Variants in KATNBL1 observed in about 807,000 individuals in gnomAD.
The protein encoded by KATNBL1 is katanin regulatory subunit B1 like 1, also known as KATNB1-like protein 1.
A neutral mutation model predicts 44.7 loss-of-function variants in KATNBL1; 28 were observed. The observed-to-expected ratio is 0.63, with a 90% CI of 0.46 to 0.86. The LOEUF is 0.86. Ranked by LOEUF, KATNBL1 falls within the 40% of genes least tolerant of loss-of-function variation. KATNBL1 has a pLI of 0.00. For missense variants in KATNBL1, 272 were observed against 350.7 expected (o/e 0.78, Z 1.79); for synonymous variants, 78 against 114.9 (o/e 0.68, Z 2.06).
At chr15:34,198,739 C>T (rs1890090633) in intron 1 of KATNBL1, among the ~76,000 whole-genome samples, 1 of 152,182 alleles carries the variant, frequency 6.6e-6, no homozygotes, top group Admixed American at 6.5e-5. Context: ...ATAAATGTGA[C>T]ATTCCTTTTT....
At chr15:34,165,859 A>T (rs1888954185) in intron 1 of KATNBL1, 1 of 152,210 alleles carries the variant, frequency 6.6e-6, no homozygotes, top group African/African-American at 2.4e-5. Context: ...GATGTGAGAA[A>T]GCCAGATCCT....
At chr15:34,153,911 C>G (rs1361802729) in intron 3 of KATNBL1, among the ~76,000 whole-genome samples, 1 of 152,074 alleles carries the variant, frequency 6.6e-6, no homozygotes, top group East Asian at 1.9e-4. Context: ...TGTGTAAAAA[C>G]TAAAACAAAA....
At chr15:34,207,786 A>G (rs999351205) in intron 1 of KATNBL1, among the ~76,000 whole-genome samples, 3 of 152,082 alleles carry the variant, frequency 2.0e-5, no homozygotes, top group African/African-American at 7.2e-5. Context: ...AATTTTTTGT[A>G]GAGATATGGT....
chr15:34,188,141 A>AAAAAAAAAAAAAT (rs1889771479), intron 1 of KATNBL1, among the ~76,000 whole-genome samples: 1 of 136,614 alleles, frequency 7.3e-6, no homozygotes, highest in Non-Finnish European at 1.6e-5. Flanking sequence ...GCCATGTAAA[A>AAAAAAAAAAAAAT]AAAAAAAAAA....
intron 1 of KATNBL1, among the ~76,000 whole-genome samples, chr15:34,197,166 G>A (rs1440225057): frequency 1.3e-5 from 2 of 152,160 alleles, no homozygotes; most frequent in African/African-American, 4.8e-5. Context: ...TTTTACCTTT[G>A]AAAATCTGAC....
chr15:34,205,293 G>A (rs1595370661), intron 1 of KATNBL1, among the ~76,000 whole-genome samples: 1 of 152,122 alleles, frequency 6.6e-6, no homozygotes, highest in Non-Finnish European at 1.5e-5. Context: ...TGCCTGAAGA[G>A]TGCCAGTTTT....
At chr15:34,190,289 C>T (rs980182100) in intron 1 of KATNBL1, among the ~76,000 whole-genome samples, 8 of 151,860 alleles carry the variant, frequency 5.3e-5, no homozygotes, top group South Asian at 4.2e-4. Flanking sequence ...CTAGTGGGGA[C>T]GAATAACAAG....
At chr15:34,180,640 G>A (rs1889490514) in intron 1 of KATNBL1, among the ~76,000 whole-genome samples, 1 of 152,180 alleles carries the variant, frequency 6.6e-6, no homozygotes, top group Non-Finnish European at 1.5e-5. Context: ...TCTCTTCAAT[G>A]TCAAACCAAC....
At chr15:34,171,285 A>G (rs1889151270) in intron 1 of KATNBL1, among the ~76,000 whole-genome samples, 2 of 152,246 alleles carry the variant, frequency 1.3e-5, no homozygotes, top group African/African-American at 4.8e-5. Context: ...GGATATGAAC[A>G]GACACATCTC....
intron 1 of KATNBL1, among the ~76,000 whole-genome samples, chr15:34,197,511 CAT>C (rs1890057571): frequency 6.6e-6 from 1 of 152,182 alleles, no homozygotes. Flanking sequence ...GTGTAAGAAA[CAT>C]GATTCGTGGT....
In KATNBL1 at chr15:34,193,245, A is replaced by C. The variant is rs1012684516; in HGVS notation, c.-15+16706T>G. ...AAAAAAAAAAAAAAAACAAAAAAAA[A>C]ACTTAAGGCCAGATGCAGTGGATCA... On this transcript the variant is annotated intron_variant, in intron 1 of 9. Transcript: ENST00000256544. Among the ~76,000 whole-genome samples, 8 of 143,660 alleles carry C rather than the reference A, an allele frequency of 5.6e-5. No individual in the cohort carries two copies. The East Asian group carries it at 1.1e-3, about 19-fold the overall frequency. 94.2% of individuals were successfully genotyped at this position (143,660 alleles called of 152,430 possible).
chr15:34,179,002 A>G lies in KATNBL1; in HGVS notation c.-14-15312T>C, dbSNP rs147837196. Reference sequence around the variant, plus strand: ...AAGGTGATAAGAATGGATCTAAGAAAGCCAAGGCTGATCTCAATGGGACTG... The same window carrying G: ...AAGGTGATAAGAATGGATCTAAGAAGGCCAAGGCTGATCTCAATGGGACTG... On this transcript the variant is annotated intron_variant, in intron 1 of 9. Coordinates refer to ENST00000256544, the MANE Select transcript of KATNBL1 (RefSeq NM_024713.3). Among the ~76,000 whole-genome samples the G allele has an allele frequency of 4.8e-3, 735 of 152,310 alleles. 6 individuals carry two copies. The highest frequency in any genetic ancestry group is 0.017 in the African/African-American group (707 of 41,576).
chr15:34,206,801 AAAAG>A (rs1384719273), intron 1 of KATNBL1, among the ~76,000 whole-genome samples: 5 of 152,072 alleles, frequency 3.3e-5, no homozygotes, highest in African/African-American at 1.2e-4. Flanking sequence ...CAAAAAAAAA[AAAAG>A]AAAAGAAAAG....
At chr15:34,202,959 C>G (rs911870032) in intron 1 of KATNBL1, among the ~76,000 whole-genome samples, 2 of 152,198 alleles carry the variant, frequency 1.3e-5, no homozygotes, top group Non-Finnish European at 2.9e-5. Flanking sequence ...CCATTGCACT[C>G]CAGCCTGGGC....
intron 1 of KATNBL1, among the ~76,000 whole-genome samples, chr15:34,179,690 T>C (rs1293704794): frequency 6.6e-6 from 1 of 152,060 alleles, no homozygotes; most frequent in Non-Finnish European, 1.5e-5. Context: ...AGATCCAGGT[T>C]TTTCAAAAGA....
intron 1 of KATNBL1, among the ~76,000 whole-genome samples, chr15:34,193,632 G>A (rs1376843131): frequency 6.6e-5 from 10 of 151,710 alleles, no homozygotes; most frequent in Non-Finnish European, 1.0e-4. Context: ...CAGTTGGGTC[G>A]CTTGAGCCCA....
chr15:34,202,147 G>T (rs1413415793), intron 1 of KATNBL1, among the ~76,000 whole-genome samples: 2 of 152,114 alleles, frequency 1.3e-5, no homozygotes, highest in East Asian at 3.8e-4. Flanking sequence ...GATCATTTTT[G>T]ACCCTTGTTT....
In KATNBL1 at chr15:34,191,941, G is replaced by A. The variant is rs574082487; in HGVS notation, c.-15+18010C>T. On this transcript the variant is annotated intron_variant, in intron 1 of 9. Transcript: ENST00000256544. ...CAGCCTGGGCCACAGAGCACACAGT[G>A]AGACTCCATCTCAAAAAAAAAAAAA... Among the ~76,000 whole-genome samples, 95 of 128,174 alleles carry A rather than the reference G, an allele frequency of 7.4e-4. 1 individual carries two copies. Among genetic ancestry groups the A allele is most frequent in the Admixed American group, 7.1e-3 (84 of 11,902 alleles). 84.1% of individuals were successfully genotyped at this position (128,174 alleles called of 152,430 possible). A position where few individuals can be genotyped will look rare whatever the true frequency, so the allele number is the denominator to read the frequency against.
chr15:34,184,359 C>T (rs527633233), intron 1 of KATNBL1, among the ~76,000 whole-genome samples: 22 of 150,510 alleles, frequency 1.5e-4, no homozygotes, highest in African/African-American at 4.6e-4. Flanking sequence ...CTCAGCCACT[C>T]GGGAAAGTCA....
Sources: allele counts gnomAD v4.1 joint callset (sites outside exome capture counted in the v4.1 genomes callset), GRCh38; gene constraint gnomAD v4.1.1; transcripts MANE v1.5; gene names NCBI Gene and HGNC (gene_info 2026-07-23, HGNC 2026-07-21).